ABCB11: variants seen among roughly 807,000 people sequenced by gnomAD.
ABCB11 encodes ATP binding cassette subfamily B member 11.
A neutral mutation model predicts 148.0 loss-of-function variants in ABCB11; 95 were observed. That is an observed-to-expected ratio of 0.64 (90% CI 0.54 to 0.76). ABCB11 has a LOEUF of 0.76. ABCB11 is among the 30% of genes least tolerant of loss of function. The pLI is 0.00. For synonymous variants in ABCB11, 591 were observed against 555.4 expected (o/e 1.06, Z -0.90); for missense variants, 1,523 against 1,617.8 (o/e 0.94, Z 1.01).
At chr2:168,918,239 G>A (rs1690980806), downstream of ABCB11, among the ~76,000 whole-genome samples, 1 of 152,148 alleles carries the variant, frequency 6.6e-6, no homozygotes, top group African/African-American at 2.4e-5. Context: ...ATGTATTGAG[G>A]TAGAACTTTA....
chr2:169,006,830 GT>G (rs767523365), intron 5 of ABCB11, among the ~76,000 whole-genome samples: 2 of 152,080 alleles, frequency 1.3e-5, no homozygotes, highest in Non-Finnish European at 2.9e-5. Context: ...AATAAAATAC[GT>G]AGCAATCAAT....
intron 3 of ABCB11, among the ~76,000 whole-genome samples, chr2:169,014,945 C>T (rs1164814974): frequency 1.3e-5 from 2 of 152,124 alleles, no homozygotes; most frequent in African/African-American, 2.4e-5. Context: ...TCCATGAATA[C>T]ACCCTGGACC....
At chr2:168,999,809 A>C (rs1275360021) in intron 5 of ABCB11, among the ~76,000 whole-genome samples, 2 of 152,126 alleles carry the variant, frequency 1.3e-5, no homozygotes, top group African/African-American at 2.4e-5. Context: ...TTATGTGAGC[A>C]TAAGTTTTCA....
intron 1 of ABCB11, among the ~76,000 whole-genome samples, chr2:169,026,402 C>G (rs1364226350): frequency 6.6e-6 from 1 of 152,098 alleles, no homozygotes; most frequent in Non-Finnish European, 1.5e-5. Flanking sequence ...GGAAGCTAGT[C>G]CCTTTATCTT....
Position 168,956,250 on chromosome 2 carries a change from C to T in ABCB11, c.2343+1714G>A, listed in dbSNP as rs568304688. On this transcript the variant is annotated intron_variant, in intron 19 of 27. Transcript: ENST00000650372. The stretch of plus-strand genomic sequence containing the variant: ...AGGGGGAAATCCACCCACCCATGAT[C>T]CAATTACCTCCCACCAGGTTCTTCC... Among the ~76,000 whole-genome samples, 9 of 151,742 alleles carry T rather than the reference C, an allele frequency of 5.9e-5. No homozygotes were observed. The East Asian group carries it at 1.2e-3, about 20-fold the overall frequency.
chr2:168,936,125 G>T, intron 22 of ABCB11, 105 bp downstream of exon 22: 1 of 1,139,432 alleles, frequency 8.8e-7, no homozygotes, highest in Non-Finnish European at 1.2e-6. Flanking sequence ...TGCCTGTCTT[G>T]TGGGCTGACA....
intron 26 of ABCB11, among the ~76,000 whole-genome samples, chr2:168,926,882 T>C (rs1460357979): frequency 6.6e-6 from 1 of 152,194 alleles, no homozygotes; most frequent in Non-Finnish European, 1.5e-5. Context: ...TTATCTACTT[T>C]ATACACATAG....
chr2:168,929,515 T>C (rs1476090725), intron 25 of ABCB11, among the ~76,000 whole-genome samples: 1 of 152,210 alleles, frequency 6.6e-6, no homozygotes, highest in African/African-American at 2.4e-5. Context: ...AAGCTGTCAA[T>C]TGATTTTCAA....
chr2:168,919,881 G>A (rs1427904888), downstream of ABCB11, among the ~76,000 whole-genome samples: 3 of 150,060 alleles, frequency 2.0e-5, no homozygotes, highest in Non-Finnish European at 4.4e-5. Context: ...TTTTGGTTTT[G>A]TTTTTTTTTG....
At chr2:169,020,419 A>G (rs1006992751) in intron 1 of ABCB11, among the ~76,000 whole-genome samples, 1 of 152,128 alleles carries the variant, frequency 6.6e-6, no homozygotes, top group Admixed American at 6.6e-5. Context: ...TTAAAAACTA[A>G]GTATGTAGAA....
At chr2:169,027,668 C>T (rs910348101) in intron 1 of ABCB11, among the ~76,000 whole-genome samples, 1 of 152,032 alleles carries the variant, frequency 6.6e-6, no homozygotes, top group African/African-American at 2.4e-5. Context: ...TGAGTAGTAC[C>T]ACAAAGGTCC....
chr2:168,951,574 C>T (rs970358560), intron 19 of ABCB11, among the ~76,000 whole-genome samples: 1 of 151,452 alleles, frequency 6.6e-6, no homozygotes, highest in Non-Finnish European at 1.5e-5. Flanking sequence ...TATAGAAACA[C>T]TATTGATTTC....
chr2:168,970,615 A>T (rs1048580215), intron 14 of ABCB11: 12 of 318,578 alleles, frequency 3.8e-5, no homozygotes, highest in Non-Finnish European at 3.7e-5. Flanking sequence ...TTTTTACATT[A>T]TGAATAAAAG....
chr2:168,930,433 T>C (rs1691514100), intron 25 of ABCB11, among the ~76,000 whole-genome samples: 1 of 152,234 alleles, frequency 6.6e-6, no homozygotes, highest in Admixed American at 6.5e-5. Flanking sequence ...CCCAGTTTTC[T>C]TTGCCTAACT....
chr2:168,999,113 C>T (rs1292874072), intron 5 of ABCB11, among the ~76,000 whole-genome samples: 1 of 151,914 alleles, frequency 6.6e-6, no homozygotes, highest in Non-Finnish European at 1.5e-5. Context: ...AAAAACAGAC[C>T]TGAATCTACT....
chr2:169,016,908 T>C (rs1695375309), intron 2 of ABCB11, 109 bp from the exon 3 acceptor site: 1 of 799,774 alleles, frequency 1.3e-6, no homozygotes, highest in African/African-American at 1.8e-5. Context: ...ATTACCTTTA[T>C]TCATGGAATA....
At chr2:169,012,151 T>C (rs538566047) in intron 5 of ABCB11, among the ~76,000 whole-genome samples, 2 of 152,246 alleles carry the variant, frequency 1.3e-5, no homozygotes, top group African/African-American at 4.8e-5. Context: ...ATAGAAAATT[T>C]CAAAAATGAA....
chr2:168,970,329 G>C, intron 14 of ABCB11, 114 bp from the exon 15 acceptor site: 1 of 1,541,924 alleles, frequency 6.5e-7, no homozygotes, highest in Non-Finnish European at 8.7e-7. Flanking sequence ...AATTTTCACT[G>C]CTCCGACTTC....
intron 1 of ABCB11, among the ~76,000 whole-genome samples, chr2:169,025,076 T>C (rs549484213): frequency 6.6e-6 from 1 of 152,276 alleles, no homozygotes; most frequent in Admixed American, 6.5e-5. Flanking sequence ...ATAAACAACA[T>C]TTAACCACAG....
Sources: gnomAD v4.1 joint callset for allele counts (sites outside exome capture counted in the v4.1 genomes callset) on GRCh38, gnomAD v4.1.1 for gene constraint, MANE v1.5 for transcripts, NCBI Gene and HGNC (gene_info 2026-07-23, HGNC 2026-07-21) for gene names.